LIFR: variants seen among roughly 807,000 people sequenced by gnomAD.
LIFR encodes leukemia inhibitory factor receptor.
A neutral mutation model predicts 122.2 loss-of-function variants in LIFR; 84 were observed. The ratio of observed to expected loss-of-function variants is 0.69; its 90% confidence interval spans 0.58 to 0.82. LIFR has a LOEUF of 0.82. Among genes scored for constraint, LIFR ranks in the 40% least tolerant of loss-of-function variants. The probability of loss-of-function intolerance (pLI) is 0.00; values close to 1 mark genes in which losing one functional copy is unlikely to be tolerated. For synonymous variants in LIFR, 422 were observed against 434.7 expected (o/e 0.97, Z 0.36); for missense variants, 1,294 against 1,311.6 (o/e 0.99, Z 0.21).
intron 2 of LIFR, among the ~76,000 whole-genome samples, chr5:38,600,942 G>A (rs531709923): frequency 6.6e-6 from 1 of 152,268 alleles, no homozygotes; most frequent in East Asian, 1.9e-4. Flanking sequence ...CATTAGTCTG[G>A]TAAACTACAC....
upstream of LIFR, among the ~76,000 whole-genome samples, chr5:38,560,156 G>A (rs753644194): frequency 1.3e-5 from 2 of 150,300 alleles, no homozygotes; most frequent in South Asian, 4.2e-4. Context: ...TGTGTTCCTG[G>A]AATAAATTTT....
chr5:38,547,924 C>G (rs2112639762), intron 1 of LIFR, among the ~76,000 whole-genome samples: 1 of 152,190 alleles, frequency 6.6e-6, no homozygotes, highest in Non-Finnish European at 1.5e-5. Flanking sequence ...ATTTGGGTAT[C>G]TAAACATAAA....
intron 14 of LIFR, among the ~76,000 whole-genome samples, chr5:38,492,257 A>G (rs543852427): frequency 1.3e-5 from 2 of 152,180 alleles, no homozygotes; most frequent in Non-Finnish European, 2.9e-5. Context: ...TCTTTGTTCA[A>G]TTGAGTTGGC....
Position 38,527,309 on chromosome 5 carries a change from T to C in LIFR, c.258-15A>G. The C allele has an allele frequency of 2.7e-6, 4 of 1,503,196 alleles. No individual in the cohort carries two copies. The highest frequency in any genetic ancestry group is 3.7e-6 in the Non-Finnish European group (4 of 1,083,420). The allele number at this position is 1,503,196 out of a possible 1,614,324, so 93.1% of individuals were successfully genotyped here. A position where few individuals can be genotyped will look rare whatever the true frequency, so the allele number is the denominator to read the frequency against. On this transcript the variant is annotated splice_polypyrimidine_tract_variant and intron_variant, in intron 3 of 19. Transcript: ENST00000453190. ...AAGAACGGGACCTGTAATAAGAAATTGAATTTTAATTAGCAAATAAAATTA... is the reference window on the plus strand; with the variant it reads ...AAGAACGGGACCTGTAATAAGAAATCGAATTTTAATTAGCAAATAAAATTA...
intron 15 of LIFR, among the ~76,000 whole-genome samples, 168 bp downstream of exon 15, chr5:38,490,018 AAAAG>A (rs1233940574): frequency 6.6e-6 from 1 of 150,748 alleles, no homozygotes; most frequent in Non-Finnish European, 1.5e-5. Flanking sequence ...AAAAAAAAAA[AAAAG>A]AGGAGGAGGA....
At chr5:38,601,105 G>A (rs994566827) in intron 2 of LIFR, among the ~76,000 whole-genome samples, 13 of 152,194 alleles carry the variant, frequency 8.5e-5, no homozygotes, top group Non-Finnish European at 1.5e-4. Flanking sequence ...AGTAGAAAGT[G>A]GGGTCTTTGG....
chr5:38,551,405 C>T (rs574801016), intron 1 of LIFR, among the ~76,000 whole-genome samples: 83 of 152,330 alleles, frequency 5.4e-4, no homozygotes, highest in Non-Finnish European at 1.0e-3. Flanking sequence ...AACAATTCTG[C>T]CTGAAGTCTA....
intron 9 of LIFR, among the ~76,000 whole-genome samples, chr5:38,505,142 CA>C (rs1452311377): frequency 6.8e-6 from 1 of 146,540 alleles, no homozygotes; most frequent in Non-Finnish European, 1.5e-5. Context: ...CATACAACAA[CA>C]TGGATGGCTC....
chr5:38,493,744 T>A lies in LIFR; in HGVS notation c.1927A>T (p.Ile643Phe), dbSNP rs1328748837. ...IEQVVGMGKG[I>F]LLTWHYDPNM... ...GGGTCGTAATGCCAGGTGAGGAGAA[T>A]CCCCTTTCCCATCCCAACAACTTGT... The change falls in exon 14 of 20, where the codon ATT (isoleucine) becomes TTT (phenylalanine). Residue 643 changes from isoleucine (I) to phenylalanine (F), a missense_variant. Coordinates refer to ENST00000453190, the MANE Select transcript of LIFR (RefSeq NM_001127671.2). 1.5e-5 allele frequency: 24 copies of A among 1,613,988 alleles called. No homozygotes were observed. The highest frequency in any genetic ancestry group is 1.9e-5 in the Non-Finnish European group (22 of 1,180,006).
chr5:38,511,903 T>G lies in LIFR; in HGVS notation c.623A>C (p.Asp208Ala). Residue 208 changes from aspartate (D) to alanine (A), a missense_variant, in exon 6 of 20, where the codon GAT becomes GCT. Transcript: ENST00000453190. ...ATGAATGGCACATTCCAAGGGCATA[T>G]CTGAGGCCCAACTCCAGTGATGAAG... is the stretch of plus-strand genomic sequence containing the variant. Reference protein sequence around the residue: ...DTLHHWSWASDMPLECAIHFV... With the variant: ...DTLHHWSWASAMPLECAIHFV... The G allele has an allele frequency of 6.2e-7, 1 of 1,614,134 alleles. No homozygotes were observed. The highest frequency in any genetic ancestry group is 1.3e-5 in the African/African-American group (1 of 75,042).
rs1201639320 is a variant in LIFR, at chr5:38,479,606, C to A, written c.*1989G>T. On this transcript the variant is annotated 3_prime_UTR_variant, in exon 20 of 20. Coordinates refer to ENST00000453190, the MANE Select transcript of LIFR (RefSeq NM_001127671.2). ...GCAATAAACTTTTACTGTAGCCACA[C>A]TTATCCTTGTCCTGGAGAGATAAAG... 1 of 230,458 alleles carries A rather than the reference C, an allele frequency of 4.3e-6. No homozygotes were observed. Among genetic ancestry groups the A allele is most frequent in the Non-Finnish European group, 8.6e-6 (1 of 116,396 alleles). 14.3% of individuals were successfully genotyped at this position (230,458 alleles called of 1,614,324 possible). A position where few individuals can be genotyped will look rare whatever the true frequency, so the allele number is the denominator to read the frequency against.
At chr5:38,489,301 A>C in intron 15 of LIFR, 56 bp from the exon 16 acceptor site, 1 of 1,320,248 alleles carries the variant, frequency 7.6e-7, no homozygotes, top group East Asian at 2.3e-5. Context: ...AGAGTAATAC[A>C]GTAATGTTTC....
In LIFR at chr5:38,485,803, G is replaced by C. The variant is rs1744252533; in HGVS notation, c.2497+16C>G. 1.9e-6 allele frequency: 3 copies of C among 1,613,844 alleles called. No individual in the cohort carries two copies. Among genetic ancestry groups the C allele is most frequent in the Non-Finnish European group, 2.5e-6 (3 of 1,179,836 alleles). On this transcript the variant is annotated intron_variant, in intron 17 of 19. Transcript: ENST00000453190. ...ATGCAGGATGGAAAGCACCTCAACAGCAACCTGAAACTTACAATTTTCCTT... is the reference window on the plus strand; with the variant it reads ...ATGCAGGATGGAAAGCACCTCAACACCAACCTGAAACTTACAATTTTCCTT...
intron 1 of LIFR, among the ~76,000 whole-genome samples, chr5:38,569,173 A>G (rs1690967128): frequency 6.6e-6 from 1 of 152,214 alleles, no homozygotes; most frequent in African/African-American, 2.4e-5. Flanking sequence ...AACTGCCTTG[A>G]TTTAATTTCT....
chr5:38,482,709 GATT>G (rs1018737877), intron 18 of LIFR, 42 bp from the exon 19 acceptor site: 7 of 801,384 alleles, frequency 8.7e-6, no homozygotes, highest in Middle Eastern at 3.7e-4. Flanking sequence ...ATAGTTTTAA[GATT>G]ATTAGATAAT....
intron 1 of LIFR, among the ~76,000 whole-genome samples, chr5:38,585,950 T>C (rs1749733355): frequency 6.6e-6 from 1 of 151,838 alleles, no homozygotes; most frequent in Admixed American, 6.6e-5. Flanking sequence ...CCCAGAGCAG[T>C]CAATCCCCTT....
chr5:38,558,126 A>G (rs1467850113), upstream of LIFR: 1 of 152,050 alleles, frequency 6.6e-6, no homozygotes, highest in Non-Finnish European at 1.5e-5. Flanking sequence ...GGTTTAAGAA[A>G]GTATTTTAAT....
intron 7 of LIFR, 36 bp downstream of exon 7, chr5:38,510,428 T>G: frequency 1.3e-6 from 2 of 1,597,878 alleles, no homozygotes; most frequent in Non-Finnish European, 1.7e-6. Flanking sequence ...CCAAAACAGG[T>G]TAATAGGAAT....
At chr5:38,585,059 T>G (rs1386219905) in intron 1 of LIFR, among the ~76,000 whole-genome samples, 3 of 152,238 alleles carry the variant, frequency 2.0e-5, no homozygotes, top group Non-Finnish European at 4.4e-5. Context: ...GGATATTGTA[T>G]GATGGCTAAA....
Sources: allele counts gnomAD v4.1 joint callset (sites outside exome capture counted in the v4.1 genomes callset), GRCh38; gene constraint gnomAD v4.1.1; transcripts MANE v1.5; gene names NCBI Gene and HGNC (gene_info 2026-07-23, HGNC 2026-07-21).